RTTN: variants seen among roughly 807,000 people sequenced by gnomAD.
RTTN encodes the protein rotatin.
Under a neutral mutation model 269.2 loss-of-function variants are expected in RTTN, and 182 were observed. The ratio of observed to expected loss-of-function variants is 0.68; its 90% CI spans 0.60 to 0.76. The LOEUF (loss-of-function observed/expected upper bound fraction) is 0.76, where lower values mean the gene tolerates loss of function less well. Among genes scored for constraint, RTTN ranks in the 30% least tolerant of loss-of-function variants. The pLI, the probability that RTTN is intolerant of heterozygous loss-of-function variation, is 0.00. For missense variants in RTTN, 2,545 were observed against 2,608.6 expected, an observed-to-expected ratio of 0.98 and a Z score of 0.53; for synonymous variants, 1,006 against 963.5, an observed-to-expected ratio of 1.04 and a Z score of -0.82.
intron 32 of RTTN, among the ~76,000 whole-genome samples, chr18:70,080,270 A>G (rs901024407): frequency 6.6e-6 from 1 of 152,158 alleles, no homozygotes; most frequent in African/African-American, 2.4e-5. Context: ...AACAATGAAT[A>G]CATCTAGAAC....
intron 1 of RTTN, 36 bp from the exon 2 acceptor site, chr18:70,205,351 G>A: frequency 1.2e-6 from 2 of 1,608,800 alleles, no homozygotes; most frequent in Non-Finnish European, 8.5e-7. Flanking sequence ...TTTATTTCCC[G>A]ACTGCAAAGA....
At chr18:70,032,096 T>C (rs974862124) in intron 40 of RTTN, among the ~76,000 whole-genome samples, 1 of 152,214 alleles carries the variant, frequency 6.6e-6, no homozygotes, top group African/African-American at 2.4e-5. Context: ...GGAGTGTCTA[T>C]AGCGGAGCAT....
chr18:70,012,903 T>G (rs370885869), intron 46 of RTTN, among the ~76,000 whole-genome samples: 2 of 152,214 alleles, frequency 1.3e-5, no homozygotes, highest in South Asian at 4.1e-4. Flanking sequence ...AACAAAAATT[T>G]TGTCTACATA....
intron 46 of RTTN, among the ~76,000 whole-genome samples, chr18:70,016,223 G>C (rs1457799837): frequency 2.7e-5 from 4 of 149,050 alleles, no homozygotes; most frequent in African/African-American, 9.7e-5. Context: ...CAAAATATAA[G>C]AAGAATCATT....
chr18:70,121,533 C>A, intron 26 of RTTN, 23 bp downstream of exon 26: 1 of 1,523,312 alleles, frequency 6.6e-7, no homozygotes. Flanking sequence ...AACTTAAAAT[C>A]CAAATTCCTT....
chr18:70,196,442 G>A, intron 7 of RTTN, 59 bp downstream of exon 7: 6 of 1,467,542 alleles, frequency 4.1e-6, no homozygotes, highest in Non-Finnish European at 5.6e-6. Context: ...TATAATGGAA[G>A]GTTCCCAGAA....
chr18:70,134,317 A>G (rs1234884103), intron 23 of RTTN, among the ~76,000 whole-genome samples, 156 bp downstream of exon 23: 1 of 152,104 alleles, frequency 6.6e-6, no homozygotes, highest in African/African-American at 2.4e-5. Context: ...AGATATACTT[A>G]CTGAAATCTT....
chr18:70,065,205 T>C (rs908843193), intron 35 of RTTN, among the ~76,000 whole-genome samples: 1 of 150,156 alleles, frequency 6.7e-6, no homozygotes, highest in African/African-American at 2.4e-5. Context: ...TCTTTTTAGA[T>C]AGTATAGTCC....
intron 10 of RTTN, among the ~76,000 whole-genome samples, chr18:70,178,914 T>G (rs2061360761): frequency 6.6e-6 from 1 of 152,094 alleles, no homozygotes; most frequent in Non-Finnish European, 1.5e-5. Flanking sequence ...AACATGTTAT[T>G]GATATGGACT....
At chr18:70,026,957 C>A (rs559550604) in intron 43 of RTTN, among the ~76,000 whole-genome samples, 1 of 152,316 alleles carries the variant, frequency 6.6e-6, no homozygotes, top group Admixed American at 6.5e-5. Context: ...GGGTCTCTCA[C>A]ACCTGTGCTC....
At chr18:70,182,489 AGGGAAGGGAGGAAGGGAGAG>A (rs1274938123) in intron 10 of RTTN, among the ~76,000 whole-genome samples, 2 of 152,254 alleles carry the variant, frequency 1.3e-5, no homozygotes, top group East Asian at 3.9e-4. Context: ...AGGCAGCAAA[AGGGAAGGGAGGAAGGGAGAG>A]GGGAAGGAAG....
chr18:70,143,830 A>G (rs1472845603), intron 18 of RTTN, among the ~76,000 whole-genome samples: 1 of 152,034 alleles, frequency 6.6e-6, no homozygotes, highest in Non-Finnish European at 1.5e-5. Flanking sequence ...ATCTAAAATA[A>G]AGAGTCATCA....
intron 35 of RTTN, among the ~76,000 whole-genome samples, chr18:70,064,688 G>A (rs946949994): frequency 3.3e-5 from 5 of 152,210 alleles, no homozygotes; most frequent in African/African-American, 1.2e-4. Flanking sequence ...AAGAATGGGG[G>A]AGACAGGGAG....
intron 37 of RTTN, among the ~76,000 whole-genome samples, chr18:70,055,078 A>G (rs1373204494): frequency 6.6e-6 from 1 of 152,196 alleles, no homozygotes; most frequent in Non-Finnish European, 1.5e-5. Context: ...AAAAAATTAA[A>G]TCATCTTCAA....
intron 8 of RTTN, 137 bp downstream of exon 8, chr18:70,193,151 A>G (rs2061719492): frequency 1.3e-6 from 1 of 768,374 alleles, no homozygotes; most frequent in Admixed American, 3.5e-5. Flanking sequence ...GGTTTAACAC[A>G]AGGCCTATAC....
At position 70,184,716 on chromosome 18, in the gene RTTN, T is replaced by TTTTTTGTGTGTG. The variant is rs59000945; in HGVS notation, c.1305+3391_1305+3392insCACACACAAAAA. On this transcript the variant is annotated intron_variant, in intron 10 of 48. Coordinates refer to ENST00000640769, the MANE Select transcript of RTTN (RefSeq NM_173630.4). The stretch of plus-strand genomic sequence containing the variant: ...AAACCACAGCAGGTTTTTTTTTTTT[T>TTTTTTGTGTGTG]TGTGTGTGTGTGTGTGTGTGTGTGT... 7.5e-4 allele frequency among the ~76,000 whole-genome samples: 25 copies of TTTTTTGTGTGTG among 33,442 alleles called. 2 individuals carry two copies. Among genetic ancestry groups the TTTTTTGTGTGTG allele is most frequent in the East Asian group, 3.2e-3 (2 of 626 alleles). The allele number at this position is 33,442 out of a possible 152,430, so 21.9% of individuals were successfully genotyped here. A position where few individuals can be genotyped will look rare whatever the true frequency, so the allele number is the denominator to read the frequency against.
At chr18:70,146,312 A>C (rs1354978413) in intron 17 of RTTN, among the ~76,000 whole-genome samples, 3 of 152,196 alleles carry the variant, frequency 2.0e-5, no homozygotes. Flanking sequence ...AGGGATTAGG[A>C]ATAAGGTCAG....
chr18:70,048,525 G>A (rs1484374878), intron 39 of RTTN, among the ~76,000 whole-genome samples: 1 of 152,192 alleles, frequency 6.6e-6, no homozygotes, highest in Non-Finnish European at 1.5e-5. Flanking sequence ...CCTGTTGTGA[G>A]AACTGATTTT....
Position 70,086,932 on chromosome 18 carries a change from G to C in RTTN, c.4303-248C>G, listed in dbSNP as rs573166034. Among the ~76,000 whole-genome samples, 39 of 151,862 alleles carry C rather than the reference G, an allele frequency of 2.6e-4. 1 individual carries two copies. The highest frequency in any genetic ancestry group is 8.7e-4 in the African/African-American group (36 of 41,414). Reference sequence around the variant, plus strand: ...AACAGCATATGAAATTATTTCATCAGGAAATATATCTTTTCCTATTTCAGA... The same window carrying C: ...AACAGCATATGAAATTATTTCATCACGAAATATATCTTTTCCTATTTCAGA... On this transcript the variant is annotated intron_variant, in intron 31 of 48. Coordinates refer to ENST00000640769, the MANE Select transcript of RTTN (RefSeq NM_173630.4).
Sources: allele counts gnomAD v4.1 joint callset (sites outside exome capture counted in the v4.1 genomes callset), GRCh38; gene constraint gnomAD v4.1.1; transcripts MANE v1.5; gene names NCBI Gene and HGNC (gene_info 2026-07-23, HGNC 2026-07-21).